Variants in PDK1 observed in about 807,000 individuals in gnomAD.
PDK1 encodes [Pyruvate dehydrogenase (acetyl-transferring)] kinase isozyme 1, mitochondrial.
Under a neutral mutation model 54.2 loss-of-function variants are expected in PDK1, and 39 were observed. The observed-to-expected ratio is 0.72, with a 90% CI of 0.56 to 0.94. The LOEUF is 0.94. PDK1 is among the 40% of genes least tolerant of loss of function. The pLI, the probability that PDK1 is intolerant of heterozygous loss-of-function variation, is 0.00. For missense variants in PDK1, 552 were observed against 566.0 expected (o/e 0.98, Z 0.25); for synonymous variants, 221 against 207.1 (o/e 1.07, Z -0.58).
the PDK1 span, among the ~76,000 whole-genome samples, chr2:172,704,492 T>C: frequency 6.6e-6 from 1 of 152,118 alleles, no homozygotes; most frequent in African/African-American, 2.4e-5. Flanking sequence ...TTACAATCTC[T>C]GTAAAGGGAA....
At chr2:172,562,515 T>C (rs1407041052) in intron 3 of PDK1, among the ~76,000 whole-genome samples, 1 of 152,230 alleles carries the variant, frequency 6.6e-6, no homozygotes. Context: ...TCAGTGGAAA[T>C]GTAGGTGTGG....
At chr2:172,640,906 C>CTCCTTCCTTCCCTCCCTTCCT in the PDK1 span, among the ~76,000 whole-genome samples, 1 of 150,976 alleles carries the variant, frequency 6.6e-6, no homozygotes, top group Admixed American at 6.6e-5. Flanking sequence ...CCCTCCCTCC[C>CTCCTTCCTTCCCTCCCTTCCT]TCCTTCCTTC....
the PDK1 span, among the ~76,000 whole-genome samples, chr2:172,617,011 G>A: frequency 7.2e-5 from 11 of 152,094 alleles, no homozygotes; most frequent in Admixed American, 5.9e-4. Context: ...GTGCAGTGGC[G>A]TGATCTCGGC....
rs890831149 is a variant in PDK1, at chr2:172,600,619, A to G, written c.*4650A>G. ...ATAGGCAAAAGGAAACAGCTCTGTT[A>G]CAGAGAGGGGTTCCGAGCAGGTTGC... On this transcript the variant is annotated 3_prime_UTR_variant, in exon 11 of 11. Coordinates refer to ENST00000282077, the MANE Select transcript of PDK1 (RefSeq NM_002610.5). The G allele has an allele frequency of 6.6e-6, 1 of 152,230 alleles. No individual in the cohort carries two copies. The highest frequency in any genetic ancestry group is 1.5e-5 in the Non-Finnish European group (1 of 68,048). The allele number at this position is 152,230 out of a possible 1,614,324, so 9.4% of individuals were successfully genotyped here.
intron 1 of PDK1, 90 bp from the exon 2 acceptor site, chr2:172,558,618 G>A (rs1184603592): frequency 2.5e-6 from 3 of 1,192,948 alleles, no homozygotes; most frequent in South Asian, 1.6e-5. Flanking sequence ...TGGCCTTGCC[G>A]GATAACTTCC....
intron 8 of PDK1, among the ~76,000 whole-genome samples, chr2:172,582,254 T>C (rs1689952917): frequency 6.6e-6 from 1 of 152,208 alleles, no homozygotes; most frequent in Non-Finnish European, 1.5e-5. Context: ...CTTGGTTCAT[T>C]TACTGTTGAT....
In PDK1 at chr2:172,567,715, T is replaced by C. The variant is rs144986561; in HGVS notation, c.769+782T>C. Among the ~76,000 whole-genome samples the C allele has an allele frequency of 5.2e-3, 789 of 152,370 alleles. 9 individuals are homozygous for C. The highest frequency in any genetic ancestry group is 0.017 in the African/African-American group (721 of 41,586). ...TCACAGTGTACAAGTAAGTGATAGTTTGCAAACCTGAACTGCTGTGAGCAA... is the reference window on the plus strand; with the variant it reads ...TCACAGTGTACAAGTAAGTGATAGTCTGCAAACCTGAACTGCTGTGAGCAA... On this transcript the variant is annotated intron_variant, in intron 6 of 10. Transcript: ENST00000282077.
rs1425188352 is a variant in PDK1, at chr2:172,596,297, CT to C, written c.*331del. The C allele has an allele frequency of 1.2e-5, 2 of 171,578 alleles. No homozygotes were observed. The highest frequency in any genetic ancestry group is 1.2e-4 in the Admixed American group (2 of 16,756). 10.6% of individuals were successfully genotyped at this position (171,578 alleles called of 1,614,324 possible). ...ACTAGTTTTTTTTTTTTAAGAAATA[CT>C]TTCATTTATGTTTGCTAGAAACATT... is the stretch of plus-strand genomic sequence containing the variant. On this transcript the variant is annotated 3_prime_UTR_variant, in exon 11 of 11. Coordinates refer to ENST00000282077, the MANE Select transcript of PDK1 (RefSeq NM_002610.5).
the PDK1 span, among the ~76,000 whole-genome samples, chr2:172,621,028 C>G: frequency 6.6e-6 from 1 of 152,166 alleles, no homozygotes; most frequent in Non-Finnish European, 1.5e-5. Context: ...TCCTGTTATC[C>G]CAGCACTTTG....
chr2:172,576,578 T>C (rs1389177846), intron 8 of PDK1, among the ~76,000 whole-genome samples: 1 of 151,966 alleles, frequency 6.6e-6, no homozygotes, highest in Non-Finnish European at 1.5e-5. Flanking sequence ...TTTCTTAAGG[T>C]GGAAGTTTTG....
chr2:172,592,013 A>G (rs1388202871), intron 9 of PDK1, among the ~76,000 whole-genome samples: 1 of 152,198 alleles, frequency 6.6e-6, no homozygotes, highest in Non-Finnish European at 1.5e-5. Flanking sequence ...CTGGGAGGAA[A>G]CATCTATTGT....
At chr2:172,563,302 G>A (rs1297086251) in intron 3 of PDK1, among the ~76,000 whole-genome samples, 2 of 152,216 alleles carry the variant, frequency 1.3e-5, no homozygotes, top group East Asian at 1.9e-4. Context: ...ATAAAGGAGT[G>A]ACTAGAATGA....
At chr2:172,557,537 A>C (rs1688403640) in intron 1 of PDK1, among the ~76,000 whole-genome samples, 1 of 151,998 alleles carries the variant, frequency 6.6e-6, no homozygotes, top group Non-Finnish European at 1.5e-5. Flanking sequence ...GACCTACTTG[A>C]AGATGGTGCA....
chr2:172,676,398 G>A, the PDK1 span, among the ~76,000 whole-genome samples: 7 of 152,184 alleles, frequency 4.6e-5, no homozygotes, highest in Non-Finnish European at 1.0e-4. Flanking sequence ...TTCATGGGAG[G>A]AGGTCAAAAT....
chr2:172,649,117 G>T, the PDK1 span, among the ~76,000 whole-genome samples: 5 of 152,194 alleles, frequency 3.3e-5, no homozygotes, highest in Non-Finnish European at 7.3e-5. Context: ...ACAGCTGGAT[G>T]CCCCTCTGAG....
the PDK1 span, among the ~76,000 whole-genome samples, chr2:172,645,534 C>T: frequency 6.6e-6 from 1 of 152,144 alleles, no homozygotes; most frequent in Non-Finnish European, 1.5e-5. Flanking sequence ...GCTGGGATTA[C>T]AGGTGTAAGC....
rs2149217281 is a variant in PDK1, at chr2:172,566,879, C to G, written c.715C>G (p.Leu239Val). The G allele has an allele frequency of 1.2e-6, 2 of 1,610,582 alleles. No homozygotes were observed. The highest frequency in any genetic ancestry group is 1.7e-6 in the Non-Finnish European group (2 of 1,177,450). ...IKDGYENARR[L>V]CDLYYINSPE... Reference sequence around the variant, plus strand: ...AGATGGCTATGAAAATGCTAGGCGTCTGTGTGATTTGTATTATATTAACTC... The same window carrying G: ...AGATGGCTATGAAAATGCTAGGCGTGTGTGTGATTTGTATTATATTAACTC... The change falls in exon 6 of 11, where the codon CTG (leucine) becomes GTG (valine). Residue 239 changes from leucine to valine, a missense_variant. Leu to Val is a conservative substitution (Grantham distance 32). Transcript: ENST00000282077.
At chr2:172,668,593 T>C in the PDK1 span, among the ~76,000 whole-genome samples, 9 of 151,746 alleles carry the variant, frequency 5.9e-5, no homozygotes, top group African/African-American at 2.2e-4. Flanking sequence ...TCTCACCTCA[T>C]AGGAAATTAT....
intron 9 of PDK1, among the ~76,000 whole-genome samples, chr2:172,587,297 T>C (rs377017772): frequency 3.8e-4 from 58 of 152,322 alleles, no homozygotes; most frequent in African/African-American, 1.4e-3. Flanking sequence ...CTGGTTTTGC[T>C]GGCTTCAGGA....
Sources: allele counts gnomAD v4.1 joint callset (sites outside exome capture counted in the v4.1 genomes callset), GRCh38; gene constraint gnomAD v4.1.1; transcripts MANE v1.5; gene names NCBI Gene and HGNC (gene_info 2026-07-23, HGNC 2026-07-21).